Variants in PDCD2 observed in about 807,000 individuals in gnomAD.
The protein encoded by PDCD2 is programmed cell death 2.
PDCD2 carries 38 observed loss-of-function variants against 38.1 expected under a neutral mutation model. The observed-to-expected ratio is 1.00, with a 90% CI of 0.77 to 1.31. PDCD2 has a LOEUF of 1.31. Among genes scored for constraint, PDCD2 ranks in the 50% most tolerant of loss-of-function variants. PDCD2 has a pLI of 0.00. For synonymous variants in PDCD2, 205 were observed against 168.9 expected (o/e 1.21, Z -1.66); for missense variants, 473 against 435.7 (o/e 1.09, Z -0.76).
Position 170,584,498 on chromosome 6 carries a change from G to T in PDCD2, c.84C>A (p.Pro28=). The T allele has an allele frequency of 7.4e-7, 1 of 1,357,140 alleles. No homozygotes were observed. The allele number at this position is 1,357,140 out of a possible 1,614,324, so 84.1% of individuals were successfully genotyped here. ...ATGCCGGCCGCCCGCCCACCTTGCT[G>T]GGGAACTGCTCGCTGCGCAGTCGCC... ...PAWRLRSEQF[P]SKVGGRPAWL... Residue 28 remains proline (P), a synonymous_variant, in exon 1 of 6, where the codon CCC becomes CCA. Transcript: ENST00000541970.
intron 4 of PDCD2, 106 bp from the exon 5 acceptor site, chr6:170,579,076 T>C: frequency 1.4e-6 from 1 of 691,660 alleles, no homozygotes; most frequent in Non-Finnish European, 2.4e-6. Flanking sequence ...GATGTAGCAC[T>C]GACCCAAAAG....
At chr6:170,580,748 C>G (rs956912831) in intron 3 of PDCD2, among the ~76,000 whole-genome samples, 2 of 152,164 alleles carry the variant, frequency 1.3e-5, no homozygotes, top group African/African-American at 4.8e-5. Context: ...TCTCCACATT[C>G]CTTCCTGGGA....
At chr6:170,581,651 A>C (rs180856998) in intron 3 of PDCD2, 1 of 158,684 alleles carries the variant, frequency 6.3e-6, no homozygotes, top group African/African-American at 2.4e-5. Flanking sequence ...TCTTCCTCCT[A>C]CGCCCAACAT....
rs78712376 is a variant in PDCD2, at chr6:170,584,609, G to T, written c.-28C>A. On this transcript the variant is annotated 5_prime_UTR_variant, in exon 1 of 6. In the 5' UTR this introduces an upstream ATG that the reference lacks. Coordinates refer to ENST00000541970, the MANE Select transcript of PDCD2 (RefSeq NM_002598.4). ...GGGGCGCGGGCTGGCGTGGGGCGCA[G>T]CCCACAGCTGGGTCGGAAGGCGGAA... The T allele has an allele frequency of 1.2e-3, 1,472 of 1,210,080 alleles. 10 individuals are homozygous for T. The African/African-American group carries it at 0.022, about 18-fold the overall frequency. 75.0% of individuals were successfully genotyped at this position (1,210,080 alleles called of 1,614,324 possible). A position where few individuals can be genotyped will look rare whatever the true frequency, so the allele number is the denominator to read the frequency against.
Position 170,584,635 on chromosome 6 carries a change from A to G in PDCD2, c.-54T>C. 1.3e-5 allele frequency: 14 copies of G among 1,084,130 alleles called. No individual in the cohort carries two copies. The highest frequency in any genetic ancestry group is 3.5e-5 in the South Asian group (1 of 28,620). 67.2% of individuals were successfully genotyped at this position (1,084,130 alleles called of 1,614,324 possible). A position where few individuals can be genotyped will look rare whatever the true frequency, so the allele number is the denominator to read the frequency against. ...CCCACAGCTGGGTCGGAAGGCGGAA[A>G]TCGGGCGCCGGGCCGGAAGGCAAGA... is the stretch of plus-strand genomic sequence containing the variant. On this transcript the variant is annotated 5_prime_UTR_variant, in exon 1 of 6. Coordinates refer to ENST00000541970, the MANE Select transcript of PDCD2 (RefSeq NM_002598.4).
Position 170,584,627 on chromosome 6 carries a change from A to T in PDCD2, c.-46T>A. ...GGGCGCAGCCCACAGCTGGGTCGGAAGGCGGAAATCGGGCGCCGGGCCGGA... is the reference window on the plus strand; with the variant it reads ...GGGCGCAGCCCACAGCTGGGTCGGATGGCGGAAATCGGGCGCCGGGCCGGA... On this transcript the variant is annotated 5_prime_UTR_variant, in exon 1 of 6. Transcript: ENST00000541970. 8.7e-7 allele frequency: 1 copy of T among 1,153,634 alleles called. No homozygotes were observed. The highest frequency in any genetic ancestry group is 4.3e-5 in the Admixed American group (1 of 23,040). The allele number at this position is 1,153,634 out of a possible 1,614,324, so 71.5% of individuals were successfully genotyped here.
At position 170,582,241 on chromosome 6, in the gene PDCD2, T is replaced by C. The variant is rs137952379; in HGVS notation, c.658+816A>G. ...CATAAGACTGTGAGCATCTGACCAC[T>C]GGAGTGTTGCTTCCCATTATATCCC... On this transcript the variant is annotated intron_variant, in intron 3 of 5. Transcript: ENST00000541970. 3.7e-3 allele frequency: 5,340 copies of C among 1,442,998 alleles called. 15 individuals carry two copies. The highest frequency in any genetic ancestry group is 4.6e-3 in the Non-Finnish European group (4,849 of 1,062,114). The allele number at this position is 1,442,998 out of a possible 1,614,324, so 89.4% of individuals were successfully genotyped here.
chr6:170,581,988 G>C (rs1779618631), intron 3 of PDCD2: 2 of 768,864 alleles, frequency 2.6e-6, no homozygotes, highest in South Asian at 1.9e-5. Flanking sequence ...CACTAACAAG[G>C]CATATTTGAA....
rs1779472657 is a variant in PDCD2, at chr6:170,577,324, A to G, written c.*235T>C. On this transcript the variant is annotated 3_prime_UTR_variant, in exon 6 of 6. Transcript: ENST00000541970. ...CACCTATAATGGTATGTCTGTTGTC[A>G]ATATAGGTGTTATAATTAAGACTGT... is the stretch of plus-strand genomic sequence containing the variant. 1 of 433,558 alleles carries G rather than the reference A, an allele frequency of 2.3e-6. No individual in the cohort carries two copies. Among genetic ancestry groups the G allele is most frequent in the African/African-American group, 2.0e-5 (1 of 50,844 alleles). 26.9% of individuals were successfully genotyped at this position (433,558 alleles called of 1,614,324 possible). A position where few individuals can be genotyped will look rare whatever the true frequency, so the allele number is the denominator to read the frequency against.
In PDCD2 at chr6:170,577,576, C is replaced by A; in HGVS notation, c.1018G>T (p.Val340Leu). ...AGATGCCTTTACGGTGTATCTGTTA[C>A]ATCCTGCTTCCACACAAATTCTTCT... Reference protein sequence around the residue: ...YTEEFVWKQDVTDTP With the variant: ...YTEEFVWKQDLTDTP Residue 340 changes from valine (V) to leucine (L), a missense_variant, in exon 6 of 6, where the codon GTA (valine) becomes TTA (leucine). Physicochemically the swap from Val to Leu is conservative, Grantham distance 32. Coordinates refer to ENST00000541970, the MANE Select transcript of PDCD2 (RefSeq NM_002598.4). The A allele has an allele frequency of 6.2e-7, 1 of 1,614,010 alleles. No homozygotes were observed. The highest frequency in any genetic ancestry group is 2.2e-5 in the East Asian group (1 of 44,866).
intron 2 of PDCD2, 147 bp downstream of exon 2, chr6:170,583,356 CTT>C (rs370825740): frequency 0.011 from 8,034 of 762,090 alleles, no homozygotes; most frequent in South Asian, 0.019. Context: ...ACTTCACAGC[CTT>C]TTTTTTTTTT....
Position 170,583,122 on chromosome 6 carries a change from G to A in PDCD2, c.593C>T (p.Thr198Ile). 1 of 1,613,026 alleles carries A rather than the reference G, an allele frequency of 6.2e-7. No individual in the cohort carries two copies. The highest frequency in any genetic ancestry group is 1.7e-5 in the Admixed American group (1 of 59,966). ...LFPEFEIVIETEDEIMPEVVE... is the reference protein window; with the variant it reads ...LFPEFEIVIEIEDEIMPEVVE... Reference sequence around the variant, plus strand: ...AACCTCAGGCATAATCTCATCTTCTGTTTCTATTACAATTTCAAATTCTGG... The same window carrying A: ...AACCTCAGGCATAATCTCATCTTCTATTTCTATTACAATTTCAAATTCTGG... The change falls in exon 3 of 6, where the codon ACA becomes ATA. Residue 198 changes from threonine to isoleucine, a missense_variant. By Grantham distance (89) the Thr-to-Ile change is moderately conservative (BLOSUM62 -1). Transcript: ENST00000541970.
intron 5 of PDCD2, among the ~76,000 whole-genome samples, 187 bp from the exon 6 acceptor site, chr6:170,577,904 C>T (rs1007495717): frequency 6.6e-6 from 1 of 152,174 alleles, no homozygotes; most frequent in African/African-American, 2.4e-5. Flanking sequence ...CCCCTCTCAC[C>T]TTCTGTTTGG....
chr6:170,580,628 T>C (rs1583140857), intron 3 of PDCD2, among the ~76,000 whole-genome samples: 1 of 151,458 alleles, frequency 6.6e-6, no homozygotes, highest in African/African-American at 2.4e-5. Flanking sequence ...GGCAGGAGAG[T>C]CACTTGAACC....
In PDCD2 at chr6:170,583,208, A is replaced by T; in HGVS notation, c.527-20T>A. ...GATGATCTGAAACAAAAAGGACAGC[A>T]CTATTAGTAATCATTTAGTTTTGAA... On this transcript the variant is annotated intron_variant, in intron 2 of 5. Coordinates refer to ENST00000541970, the MANE Select transcript of PDCD2 (RefSeq NM_002598.4). 1 of 1,482,012 alleles carries T rather than the reference A, an allele frequency of 6.7e-7. No individual in the cohort carries two copies. The highest frequency in any genetic ancestry group is 9.3e-7 in the Non-Finnish European group (1 of 1,073,574). 91.8% of individuals were successfully genotyped at this position (1,482,012 alleles called of 1,614,324 possible). A position where few individuals can be genotyped will look rare whatever the true frequency, so the allele number is the denominator to read the frequency against.
intron 3 of PDCD2, chr6:170,582,709 G>T: frequency 8.2e-7 from 1 of 1,219,398 alleles, no homozygotes; most frequent in East Asian, 4.5e-5. Context: ...AACTTTTAAG[G>T]GGCCCTTCTG....
At chr6:170,582,727 G>C (rs559599110) in intron 3 of PDCD2, 1 of 1,244,782 alleles carries the variant, frequency 8.0e-7, no homozygotes, top group Non-Finnish European at 1.0e-6. Context: ...CTGCGTGCCC[G>C]ACACTGTGCT....
At chr6:170,582,514 G>C in intron 3 of PDCD2, 4 of 1,352,286 alleles carry the variant, frequency 3.0e-6, no homozygotes, top group African/African-American at 1.5e-5. Context: ...TCATTGGTCT[G>C]CTGTCACGAT....
chr6:170,577,252 G>T lies in PDCD2; in HGVS notation c.*307C>A. 1 of 220,556 alleles carries T rather than the reference G, an allele frequency of 4.5e-6. No homozygotes were observed. 13.7% of individuals were successfully genotyped at this position (220,556 alleles called of 1,614,324 possible). A position where few individuals can be genotyped will look rare whatever the true frequency, so the allele number is the denominator to read the frequency against. On this transcript the variant is annotated 3_prime_UTR_variant, in exon 6 of 6. Transcript: ENST00000541970. ...AGTGTACATCTTTGCAGATTTCTGTGCATACATACAAATATTTTTACAAGA... is the reference window on the plus strand; with the variant it reads ...AGTGTACATCTTTGCAGATTTCTGTTCATACATACAAATATTTTTACAAGA...
Sources: gnomAD v4.1 joint callset for allele counts (sites outside exome capture counted in the v4.1 genomes callset) on GRCh38, gnomAD v4.1.1 for gene constraint, MANE v1.5 for transcripts, NCBI Gene and HGNC (gene_info 2026-07-23, HGNC 2026-07-21) for gene names.